Variants in KLHL40 observed in about 807,000 individuals in gnomAD.
KLHL40 encodes kelch-like protein 40.
Under a neutral mutation model 49.7 loss-of-function variants are expected in KLHL40, and 44 were observed. The ratio of observed to expected loss-of-function variants is 0.89; its 90% CI spans 0.70 to 1.14. The LOEUF (loss-of-function observed/expected upper bound fraction) is 1.14. Ranked by LOEUF, KLHL40 falls within the 50% of genes most tolerant of loss-of-function variation. The pLI, the probability that KLHL40 is intolerant of heterozygous loss-of-function variation, is 0.00. For missense variants in KLHL40, 892 were observed against 850.3 expected (o/e 1.05, Z -0.61); for synonymous variants, 409 against 365.2 (o/e 1.12, Z -1.37).
rs779801397 is a variant in KLHL40, at chr3:42,688,873, T to A, written c.1426T>A (p.Cys476Ser). ...VIGGKGSDRKCLNKMCVYDPK... is the reference protein window; with the variant it reads ...VIGGKGSDRKSLNKMCVYDPK... The stretch of plus-strand genomic sequence containing the variant: ...TCCCCACCCTCCACCCCACAGGAAG[T>A]GCCTGAACAAGATGTGCGTCTATGA... Residue 476 changes from cysteine to serine, a missense_variant, in exon 4 of 6, where the codon TGC becomes AGC. Coordinates refer to ENST00000287777, the MANE Select transcript of KLHL40 (RefSeq NM_152393.4). This position sits in a 1 kb window ranked among gnomAD's most constrained non-coding sequence, Gnocchi z 4.2. The A allele has an allele frequency of 1.2e-6, 2 of 1,613,414 alleles. No individual in the cohort carries two copies. The highest frequency in any genetic ancestry group is 2.7e-5 in the African/African-American group (2 of 74,888).
Position 42,686,497 on chromosome 3 carries a change from G to A in KLHL40, c.879G>A (p.Glu293=), listed in dbSNP as rs768096615. The part of the protein sequence containing the change: ...ADKGTSKAKA[E]EDEEAERILP... ...AGGGCACAAGCAAAGCCAAAGCAGA[G>A]GAGGATGAGGAGGCCGAACGTATCC... Residue 293 remains glutamate (E), a synonymous_variant, in exon 1 of 6, where the codon GAG becomes GAA. Coordinates refer to ENST00000287777, the MANE Select transcript of KLHL40 (RefSeq NM_152393.4). 6.8e-6 allele frequency: 11 copies of A among 1,614,072 alleles called. No individual in the cohort carries two copies. In the East Asian group the frequency reaches 2.2e-4, roughly 33 times the overall value.
Position 42,686,658 on chromosome 3 carries a change from T to C in KLHL40, c.1040T>C (p.Val347Ala), listed in dbSNP as rs771282962. ...ECYCASLSNQ[V>A]PKNHVSLVTK... ...TACTGTGCTTCCCTCTCCAACCAGG[T>C]CCCCAAGAACCACGTCAGCCTGGTT... The change falls in exon 1 of 6, where the codon GTC (valine) becomes GCC (alanine). Residue 347 changes from valine (V) to alanine (A), a missense_variant. Physicochemically the swap from Val to Ala is moderately conservative, Grantham distance 64. Coordinates refer to ENST00000287777, the MANE Select transcript of KLHL40 (RefSeq NM_152393.4). The C allele has an allele frequency of 3.7e-6, 6 of 1,613,876 alleles. No individual in the cohort carries two copies. In the Admixed American group the frequency reaches 1.0e-4, roughly 27 times the overall value.
chr3:42,692,264 G>T lies in KLHL40; in HGVS notation c.*271G>T. On this transcript the variant is annotated 3_prime_UTR_variant, in exon 6 of 6. Coordinates refer to ENST00000287777, the MANE Select transcript of KLHL40 (RefSeq NM_152393.4). ...ACCAGAACCACAGGGCGGTATCCCA[G>T]GCCGTGTGCTGGCCCTGCCCCAGCC... The T allele has an allele frequency of 2.0e-6, 1 of 498,028 alleles. No homozygotes were observed. Among genetic ancestry groups the T allele is most frequent in the Non-Finnish European group, 3.6e-6 (1 of 276,298 alleles). 30.9% of individuals were successfully genotyped at this position (498,028 alleles called of 1,614,324 possible).
chr3:42,689,763 T>C, intron 4 of KLHL40, among the ~76,000 whole-genome samples: 1 of 152,104 alleles, frequency 6.6e-6, no homozygotes, highest in Non-Finnish European at 1.5e-5. Flanking sequence ...AGGCCAGGGC[T>C]TCTTACACTG....
intron 1 of KLHL40, among the ~76,000 whole-genome samples, chr3:42,687,559 C>T (rs986254152): frequency 5.3e-5 from 8 of 152,032 alleles, no homozygotes; most frequent in Non-Finnish European, 8.8e-5. Context: ...CTCTCTGGGC[C>T]TCTGTTTGTA....
chr3:42,689,742 C>A (rs78982477), intron 4 of KLHL40, among the ~76,000 whole-genome samples: 2 of 152,072 alleles, frequency 1.3e-5, no homozygotes, highest in East Asian at 3.9e-4. Context: ...GGGGATGCAC[C>A]GGACAAAGAC....
chr3:42,690,477 G>A (rs1008138923), intron 4 of KLHL40, among the ~76,000 whole-genome samples: 3 of 152,150 alleles, frequency 2.0e-5, no homozygotes, highest in African/African-American at 4.8e-5. Flanking sequence ...GGTGTGCAAG[G>A]TGGGTGGGGC....
In KLHL40 at chr3:42,688,133, G is replaced by C; in HGVS notation, c.1153-9G>C. On this transcript the variant is annotated splice_polypyrimidine_tract_variant and intron_variant, in intron 1 of 5. Coordinates refer to ENST00000287777, the MANE Select transcript of KLHL40 (RefSeq NM_152393.4). This position sits in a 1 kb window ranked among gnomAD's most constrained non-coding sequence, Gnocchi z 4.2. The stretch of plus-strand genomic sequence containing the variant: ...GGGGGCGGTAGCTGACTGGACACCT[G>C]GCCTGCAGTTTGACCATCTGGACTC... 1 of 1,613,940 alleles carries C rather than the reference G, an allele frequency of 6.2e-7. No individual in the cohort carries two copies. Among genetic ancestry groups the C allele is most frequent in the Non-Finnish European group, 8.5e-7 (1 of 1,179,994 alleles).
At position 42,688,447 on chromosome 3, in the gene KLHL40, G is replaced by C. The variant is rs979328906; in HGVS notation, c.1313+145G>C. On this transcript the variant is annotated intron_variant, in intron 2 of 5. Transcript: ENST00000287777. The surrounding 1 kb of genome is among the most constrained non-coding windows in gnomAD (Gnocchi z 4.2). ...GCTTGGGTAAGGGCGGGGAGGTTGGGGGGCAGGGTGGGATCAAAGAACTGA... is the reference window on the plus strand; with the variant it reads ...GCTTGGGTAAGGGCGGGGAGGTTGGCGGGCAGGGTGGGATCAAAGAACTGA... The C allele has an allele frequency of 4.1e-6, 4 of 983,346 alleles. No homozygotes were observed. The highest frequency in any genetic ancestry group is 6.2e-6 in the Non-Finnish European group (4 of 649,216). 60.9% of individuals were successfully genotyped at this position (983,346 alleles called of 1,614,324 possible). A position where few individuals can be genotyped will look rare whatever the true frequency, so the allele number is the denominator to read the frequency against.
intron 1 of KLHL40, among the ~76,000 whole-genome samples, chr3:42,687,312 T>A (rs1056638864): frequency 6.6e-6 from 1 of 151,982 alleles, no homozygotes; most frequent in African/African-American, 2.4e-5. Context: ...GCCTTGCCAG[T>A]GGGGTGGGAT....
Position 42,685,803 on chromosome 3 carries a change from T to A in KLHL40, c.185T>A (p.Phe62Tyr). Residue 62 changes from phenylalanine to tyrosine, a missense_variant, in exon 1 of 6, where the codon TTT (phenylalanine) becomes TAT (tyrosine). Physicochemically the swap from Phe to Tyr is conservative, Grantham distance 22. Transcript: ENST00000287777. ...TGCAGCCCCTACTTCCGGGCGCGCT[T>A]TCTAGCCGAGCCGGAGCGCGCGGGC... ...AACSPYFRAR[F>Y]LAEPERAGEL... is the part of the protein sequence containing the mutation. The A allele has an allele frequency of 1.2e-6, 2 of 1,612,492 alleles. No homozygotes were observed.
chr3:42,687,159 T>C (rs1269092967), intron 1 of KLHL40, among the ~76,000 whole-genome samples: 2 of 152,176 alleles, frequency 1.3e-5, no homozygotes, highest in Non-Finnish European at 2.9e-5. Context: ...GGAACAATCC[T>C]GTATGGTCCT....
At position 42,685,966 on chromosome 3, in the gene KLHL40, C is replaced by A. The variant is rs768735358; in HGVS notation, c.348C>A (p.Ile116=). 1 of 1,611,964 alleles carries A rather than the reference C, an allele frequency of 6.2e-7. No homozygotes were observed. Among genetic ancestry groups the A allele is most frequent in the East Asian group, 2.2e-5 (1 of 44,866 alleles). Residue 116 remains isoleucine, a synonymous_variant, in exon 1 of 6, where the codon ATC becomes ATA. Transcript: ENST00000287777. ...CACACCGCTTCCAGATCCCTTCCAT[C>A]TTCACCATCTGCGTGTCCTTCCTGC... The part of the protein sequence containing the change: ...AAAHRFQIPS[I]FTICVSFLQK...
At position 42,688,865 on chromosome 3, in the gene KLHL40, A is replaced by G. The variant is rs750140868; in HGVS notation, c.1422-4A>G. The G allele has an allele frequency of 6.2e-7, 1 of 1,612,984 alleles. No individual in the cohort carries two copies. Among genetic ancestry groups the G allele is most frequent in the South Asian group, 1.1e-5 (1 of 91,024 alleles). Reference sequence around the variant, plus strand: ...TCCACCCATCCCCACCCTCCACCCCACAGGAAGTGCCTGAACAAGATGTGC... The same window carrying G: ...TCCACCCATCCCCACCCTCCACCCCGCAGGAAGTGCCTGAACAAGATGTGC... On this transcript the variant is annotated splice_polypyrimidine_tract_variant and splice_region_variant and intron_variant, in intron 3 of 5. Coordinates refer to ENST00000287777, the MANE Select transcript of KLHL40 (RefSeq NM_152393.4). The surrounding 1 kb of genome is among the most constrained non-coding windows in gnomAD (Gnocchi z 4.2).
chr3:42,686,657 G>C lies in KLHL40; in HGVS notation c.1039G>C (p.Val347Leu). 6.2e-7 allele frequency: 1 copy of C among 1,613,912 alleles called. No homozygotes were observed. Among genetic ancestry groups the C allele is most frequent in the Non-Finnish European group, 8.5e-7 (1 of 1,180,028 alleles). ...ECYCASLSNQ[V>L]PKNHVSLVTK... ...CTACTGTGCTTCCCTCTCCAACCAGGTCCCCAAGAACCACGTCAGCCTGGT... is the reference window on the plus strand; with the variant it reads ...CTACTGTGCTTCCCTCTCCAACCAGCTCCCCAAGAACCACGTCAGCCTGGT... Residue 347 changes from valine to leucine, a missense_variant, in exon 1 of 6, where the codon GTC becomes CTC. Transcript: ENST00000287777.
In KLHL40 at chr3:42,686,916, C is replaced by G. The variant is rs532920125; in HGVS notation, c.1152+146C>G. 178 of 685,058 alleles carry G rather than the reference C, an allele frequency of 2.6e-4. 2 individuals carry two copies. The African/African-American group carries it at 2.7e-3, about 11-fold the overall frequency. The allele number at this position is 685,058 out of a possible 1,614,324, so 42.4% of individuals were successfully genotyped here. On this transcript the variant is annotated intron_variant, in intron 1 of 5. Transcript: ENST00000287777. ...GTAGACTGGGGAGGTTGACTGATAG[C>G]CACCTACTTGAAGGTTGAAGACAGT...
rs201185206 is a variant in KLHL40 at position 42,688,113 on chromosome 3, C to T, written c.1153-29C>T. 40 of 1,613,010 alleles carry T rather than the reference C, an allele frequency of 2.5e-5. No homozygotes were observed. The African/African-American group carries it at 3.3e-4, about 13-fold the overall frequency. ...GGGCTGAGGCTGGGGGAGTGGGGGG[C>T]GGTAGCTGACTGGACACCTGGCCTG... On this transcript the variant is annotated intron_variant, in intron 1 of 5. Transcript: ENST00000287777. The surrounding 1 kb of genome is among the most constrained non-coding windows in gnomAD (Gnocchi z 4.2).
chr3:42,692,091 A>G lies in KLHL40; in HGVS notation c.*98A>G. On this transcript the variant is annotated 3_prime_UTR_variant, in exon 6 of 6. Transcript: ENST00000287777. ...CAGAAAAGAGGCTAGGAGAGGCCAG[A>G]GTCTACCTGGATCCAGTTATGGTGC... 1.3e-6 allele frequency: 1 copy of G among 751,844 alleles called. No individual in the cohort carries two copies. The highest frequency in any genetic ancestry group is 1.5e-5 in the South Asian group (1 of 66,506). The allele number at this position is 751,844 out of a possible 1,614,324, so 46.6% of individuals were successfully genotyped here. A position where few individuals can be genotyped will look rare whatever the true frequency, so the allele number is the denominator to read the frequency against.
In KLHL40 at chr3:42,688,829, T is replaced by C. The variant is rs774835100; in HGVS notation, c.1422-40T>C. 2.5e-6 allele frequency: 4 copies of C among 1,601,216 alleles called. No individual in the cohort carries two copies. In the Admixed American group the frequency reaches 6.7e-5, roughly 27 times the overall value. On this transcript the variant is annotated intron_variant, in intron 3 of 5. Transcript: ENST00000287777. The surrounding 1 kb of genome is among the most constrained non-coding windows in gnomAD (Gnocchi z 4.2). ...TGATTGCAGGGAGGCGTGGCTGGGC[T>C]CCTGCTTCTCTCCACCCATCCCCAC...
Sources: gnomAD v4.1 joint callset for allele counts (sites outside exome capture counted in the v4.1 genomes callset) on GRCh38, gnomAD v4.1.1 for gene constraint, Gnocchi (gnomAD v3.1) non-coding constraint, MANE v1.5 for transcripts, NCBI Gene and HGNC (gene_info 2026-07-23, HGNC 2026-07-21) for gene names.